DMD: variants seen among roughly 807,000 people sequenced by gnomAD.
The protein encoded by DMD is mutant dystrophin.
In DMD, 63 loss-of-function variants were observed where a neutral mutation model predicts 330.1. The ratio of observed to expected loss-of-function variants is 0.19; its 90% CI spans 0.16 to 0.24. The LOEUF is 0.24. Among genes scored for constraint, DMD ranks in the 10% least tolerant of loss-of-function variants. The pLI is 1.00. For synonymous variants in DMD, 1,223 were observed against 959.8 expected (o/e 1.27, Z -5.07); for missense variants, 3,344 against 2,684.1 (o/e 1.25, Z -5.43).
chrX:32,011,665 C>T (rs1229492766), intron 44 of DMD, among the ~76,000 whole-genome samples: 3 of 111,411 alleles, frequency 2.7e-5, no homozygotes, highest in Non-Finnish European at 5.6e-5. Context: ...ACAGGACAGG[C>T]CCCACCTGAT....
intron 9 of DMD, among the ~76,000 whole-genome samples, chrX:32,677,133 A>C (rs185003907): frequency 3.1e-3 from 345 of 111,566 alleles, no homozygotes; most frequent in Non-Finnish European, 5.4e-3. Context: ...AAAAGAGTCT[A>C]GTGTAAAATA....
chrX:32,485,734 CTT>C (rs5902034), intron 20 of DMD, among the ~76,000 whole-genome samples: 457 of 36,108 alleles, frequency 0.013, 9 homozygotes, highest in African/African-American at 0.044. Context: ...GCAACCACTG[CTT>C]TTTTTTTTTT....
intron 44 of DMD, among the ~76,000 whole-genome samples, chrX:32,134,200 T>C (rs902874614): frequency 4.5e-5 from 5 of 111,347 alleles, no homozygotes; most frequent in African/African-American, 1.6e-4. Context: ...TCTTTCACTA[T>C]TTGAGACCCC....
At chrX:32,941,072 G>C (rs988692347) in intron 2 of DMD, among the ~76,000 whole-genome samples, 2 of 111,855 alleles carry the variant, frequency 1.8e-5, no homozygotes, top group African/African-American at 6.5e-5. Context: ...TTAATTGTCA[G>C]AGAAATGCAA....
intron 19 of DMD, among the ~76,000 whole-genome samples, chrX:32,494,864 A>G (rs184359611): frequency 1.2e-3 from 129 of 111,498 alleles, no homozygotes; most frequent in African/African-American, 3.8e-3. Context: ...CATTTTTTAA[A>G]GAAGTTTTAT....
At chrX:31,299,809 G>A (rs766488993) in intron 62 of DMD, among the ~76,000 whole-genome samples, 1 of 107,713 alleles carries the variant, frequency 9.3e-6, no homozygotes, top group Non-Finnish European at 1.9e-5. Flanking sequence ...GGATGGGGGG[G>A]ATGATACAGG....
chrX:31,494,958 A>T (rs995372238), intron 57 of DMD, among the ~76,000 whole-genome samples: 10 of 111,763 alleles, frequency 8.9e-5, no homozygotes, highest in African/African-American at 1.9e-4. Context: ...TGCATTTTTT[A>T]AAAAAGGCCC....
rs1460638750 is a variant in DMD at position 32,243,965 on chromosome X, T to TA, written c.6291-26903_6291-26902insT. Among the ~76,000 whole-genome samples, 960 of 108,821 alleles carry TA rather than the reference T, an allele frequency of 8.8e-3. 9 individuals are homozygous for TA. Among genetic ancestry groups the TA allele is most frequent in the African/African-American group, 0.03 (910 of 29,907 alleles). The allele number at this position is 108,821 out of a possible 115,157, so 94.5% of individuals were successfully genotyped here. A position where few individuals can be genotyped will look rare whatever the true frequency, so the allele number is the denominator to read the frequency against. ...AACAAGAGGAACGAACTTTTTTTTTTTTATTATACTTTAAGTTTTAGGGTA... is the reference window on the plus strand; with the variant it reads ...AACAAGAGGAACGAACTTTTTTTTTTATTATTATACTTTAAGTTTTAGGGTA... On this transcript the variant is annotated intron_variant, in intron 43 of 78. Coordinates refer to ENST00000357033, the MANE Select transcript of DMD (RefSeq NM_004006.3).
chrX:32,304,128 T>C (rs1408945802), intron 42 of DMD, among the ~76,000 whole-genome samples: 2 of 111,442 alleles, frequency 1.8e-5, no homozygotes, highest in Non-Finnish European at 3.8e-5. Flanking sequence ...TCAGTAATTA[T>C]ATATCACACA....
At chrX:31,687,923 T>C (rs996737752) in intron 52 of DMD, among the ~76,000 whole-genome samples, 2 of 111,283 alleles carry the variant, frequency 1.8e-5, no homozygotes, top group African/African-American at 6.5e-5. Context: ...TGTTGGTATC[T>C]TTCTCTGTTT....
At chrX:31,973,304 A>G (rs777372242) in intron 44 of DMD, among the ~76,000 whole-genome samples, 1 of 110,353 alleles carries the variant, frequency 9.1e-6, no homozygotes, top group African/African-American at 3.3e-5. Flanking sequence ...AGAAAAAAAA[A>G]AGAGTGGAAA....
chrX:31,715,361 G>A (rs981637654), intron 52 of DMD, among the ~76,000 whole-genome samples: 1 of 105,131 alleles, frequency 9.5e-6, no homozygotes, highest in Non-Finnish European at 1.9e-5. Flanking sequence ...TGGCTAACAC[G>A]GTGAAACCCC....
At chrX:31,611,575 T>C (rs924686676) in intron 55 of DMD, among the ~76,000 whole-genome samples, 1 of 111,797 alleles carries the variant, frequency 8.9e-6, no homozygotes, top group African/African-American at 3.2e-5. Context: ...ATAAAATTGA[T>C]CATTTTAATC....
chrX:32,058,037 G>A (rs903370068), intron 44 of DMD, among the ~76,000 whole-genome samples: 4 of 111,083 alleles, frequency 3.6e-5, no homozygotes, highest in African/African-American at 1.3e-4. Flanking sequence ...GCAAAGAATG[G>A]AATTGGACCT....
intron 44 of DMD, among the ~76,000 whole-genome samples, chrX:32,067,580 T>C (rs935088696): frequency 4.5e-5 from 5 of 111,377 alleles, no homozygotes; most frequent in African/African-American, 1.6e-4. Flanking sequence ...AACATTTAGC[T>C]CCAACTCATA....
intron 1 of DMD, among the ~76,000 whole-genome samples, chrX:33,293,912 T>C (rs745742564): frequency 1.8e-5 from 2 of 111,615 alleles, no homozygotes; most frequent in South Asian, 7.5e-4. Flanking sequence ...AGCCTCTCCC[T>C]CATTTATGAG....
chrX:32,644,117 C>G lies in DMD; in HGVS notation c.1331+15G>C, dbSNP rs2059638929. The G allele has an allele frequency of 1.7e-6, 2 of 1,189,851 alleles. No individual in the cohort carries two copies. Reference sequence around the variant, plus strand: ...ACTTGTTAGTCTTCTTAATTAAAAACAAATAAGGACTTACTTGCTTTGTTT... The same window carrying G: ...ACTTGTTAGTCTTCTTAATTAAAAAGAAATAAGGACTTACTTGCTTTGTTT... On this transcript the variant is annotated intron_variant, in intron 11 of 78. Coordinates refer to ENST00000357033, the MANE Select transcript of DMD (RefSeq NM_004006.3).
intron 50 of DMD, among the ~76,000 whole-genome samples, chrX:31,790,255 C>T (rs1159697374): frequency 2.7e-5 from 3 of 110,926 alleles, no homozygotes; most frequent in African/African-American, 9.8e-5. Context: ...TTCAATCTGA[C>T]GTAAAAGTGG....
chrX:32,967,457 T>G (rs1386226379), intron 2 of DMD, among the ~76,000 whole-genome samples: 1 of 112,020 alleles, frequency 8.9e-6, no homozygotes, highest in Non-Finnish European at 1.9e-5. Context: ...GAAATAGACA[T>G]GCCTCATGCA....
Sources: allele counts gnomAD v4.1 joint callset (sites outside exome capture counted in the v4.1 genomes callset), GRCh38; gene constraint gnomAD v4.1.1; transcripts MANE v1.5; gene names NCBI Gene and HGNC (gene_info 2026-07-23, HGNC 2026-07-21).